Variants in ESRRG observed in about 807,000 individuals in gnomAD.
The protein encoded by ESRRG is estrogen related receptor gamma.
In ESRRG, 13 loss-of-function variants were observed where a neutral mutation model predicts 44.0. That is an observed-to-expected ratio of 0.30 (90% CI 0.19 to 0.47). The LOEUF (loss-of-function observed/expected upper bound fraction) is 0.47, where lower values mean the gene tolerates loss of function less well. ESRRG is among the 20% of genes least tolerant of loss of function. ESRRG has a pLI of 1.00. For synonymous variants in ESRRG, 215 were observed against 214.6 expected (o/e 1.00, Z -0.02); for missense variants, 395 against 580.6 (o/e 0.68, Z 3.29).
At chr1:216,963,816 C>A (rs554982482) in intron 1 of ESRRG, among the ~76,000 whole-genome samples, 4 of 152,178 alleles carry the variant, frequency 2.6e-5, no homozygotes, top group Admixed American at 2.6e-4. Context: ...ACAGTCTCTG[C>A]CTCAAAGTGT....
intron 1 of ESRRG, among the ~76,000 whole-genome samples, chr1:216,948,701 A>C (rs2066483321): frequency 6.6e-6 from 1 of 152,098 alleles, no homozygotes; most frequent in Non-Finnish European, 1.5e-5. Context: ...CTGAGGCTTA[A>C]TCACTTGTAT....
chr1:216,705,848 G>T (rs2082340663), intron 1 of ESRRG, among the ~76,000 whole-genome samples: 1 of 152,182 alleles, frequency 6.6e-6, no homozygotes, highest in African/African-American at 2.4e-5. Context: ...ATGGACTCAT[G>T]AATGCAGCAG....
At chr1:217,061,274 A>G (rs551148309) in intron 1 of ESRRG, among the ~76,000 whole-genome samples, 1 of 152,258 alleles carries the variant, frequency 6.6e-6, no homozygotes, top group South Asian at 2.1e-4. Context: ...TACCTTCCCA[A>G]TTCCTTTAGA....
At chr1:216,721,128 C>T (rs978541432) in intron 1 of ESRRG, among the ~76,000 whole-genome samples, 1 of 152,136 alleles carries the variant, frequency 6.6e-6, no homozygotes, top group Non-Finnish European at 1.5e-5. Flanking sequence ...GTATTATGTT[C>T]TTTAATGTGC....
At chr1:217,043,062 C>G (rs539371355) in intron 1 of ESRRG, among the ~76,000 whole-genome samples, 1 of 152,258 alleles carries the variant, frequency 6.6e-6, no homozygotes, top group Admixed American at 6.5e-5. Context: ...GCTTCCAGCT[C>G]CAGTGCAAAT....
At chr1:216,972,472 C>T (rs2071886379) in intron 1 of ESRRG, among the ~76,000 whole-genome samples, 1 of 152,118 alleles carries the variant, frequency 6.6e-6, no homozygotes, top group African/African-American at 2.4e-5. Flanking sequence ...TCACTGTAGG[C>T]CAGAACCTCC....
intron 2 of ESRRG, among the ~76,000 whole-genome samples, chr1:216,804,253 C>T (rs2094714629): frequency 6.6e-6 from 1 of 152,078 alleles, no homozygotes; most frequent in Non-Finnish European, 1.5e-5. Context: ...ATGGAAAAGC[C>T]TAACAACCCC....
At chr1:216,826,145 T>C (rs1354126432) in intron 2 of ESRRG, among the ~76,000 whole-genome samples, 11 of 145,932 alleles carry the variant, frequency 7.5e-5, no homozygotes, top group African/African-American at 2.8e-4. Flanking sequence ...GTTCTAATGA[T>C]AAAGTGCTCA....
intron 3 of ESRRG, among the ~76,000 whole-genome samples, chr1:216,570,669 C>T (rs966895154): frequency 6.6e-6 from 1 of 152,098 alleles, no homozygotes; most frequent in East Asian, 1.9e-4. Context: ...CCAATTCCAA[C>T]CCAATGAGAA....
intron 2 of ESRRG, among the ~76,000 whole-genome samples, chr1:216,748,930 T>C (rs963956050): frequency 6.6e-6 from 1 of 152,250 alleles, no homozygotes; most frequent in South Asian, 2.1e-4. Context: ...TTTGAGTCTA[T>C]GCTTATGGGG....
rs79041886 is a variant in ESRRG, at chr1:217,029,672, G to C, written c.-106+59835C>G. Among the ~76,000 whole-genome samples, 497 of 152,266 alleles carry C rather than the reference G, an allele frequency of 3.3e-3. 4 individuals carry two copies. Among genetic ancestry groups the C allele is most frequent in the African/African-American group, 0.012 (479 of 41,534 alleles). ...TCATTAAGAAAAAGGGTATAGTCTT[G>C]AGCCAGAATATTTATACACTTGACT... On this transcript the variant is annotated intron_variant, in intron 1 of 7. Transcript: ENST00000359162.
chr1:217,074,944 T>C (rs2091086789), intron 1 of ESRRG, among the ~76,000 whole-genome samples: 1 of 152,220 alleles, frequency 6.6e-6, no homozygotes, highest in Non-Finnish European at 1.5e-5. Context: ...TACTTGATGA[T>C]ATTTTTCCTC....
intron 2 of ESRRG, among the ~76,000 whole-genome samples, chr1:216,762,573 G>A (rs1357146512): frequency 2.3e-5 from 3 of 133,250 alleles, no homozygotes; most frequent in Non-Finnish European, 4.9e-5. Context: ...GGGGAGTGGG[G>A]AGGGATAGCA....
At chr1:217,115,033 C>T (rs530121986) in intron 1 of ESRRG, among the ~76,000 whole-genome samples, 5 of 152,128 alleles carry the variant, frequency 3.3e-5, no homozygotes, top group South Asian at 2.1e-4. Flanking sequence ...GGCGGCACTC[C>T]GTGCTGCTGA....
At chr1:216,709,246 C>A (rs56956026) in intron 1 of ESRRG, among the ~76,000 whole-genome samples, 2 of 151,420 alleles carry the variant, frequency 1.3e-5, no homozygotes, top group Non-Finnish European at 2.9e-5. Flanking sequence ...AATGACAATA[C>A]ATATACATGC....
chr1:216,563,729 A>G (rs150966211), intron 5 of ESRRG, among the ~76,000 whole-genome samples: 7 of 152,336 alleles, frequency 4.6e-5, no homozygotes, highest in African/African-American at 1.7e-4. Flanking sequence ...TATTTTCACA[A>G]TTTATCTGTA....
chr1:217,133,623 TTCTTTCTTTCTC>T (rs56731725), intron 1 of ESRRG, among the ~76,000 whole-genome samples: 13 of 33,724 alleles, frequency 3.9e-4, no homozygotes, highest in East Asian at 1.2e-3. Context: ...CTTTCTTTCT[TTCTTTCTTTCTC>T]TCTCTCTCTC....
intron 2 of ESRRG, among the ~76,000 whole-genome samples, chr1:216,834,160 G>A (rs1434067791): frequency 6.6e-6 from 1 of 152,170 alleles, no homozygotes; most frequent in Non-Finnish European, 1.5e-5. Flanking sequence ...CAGCACTCTG[G>A]AAGGCTGAGG....
intron 3 of ESRRG, among the ~76,000 whole-genome samples, chr1:216,623,170 C>A (rs957219254): frequency 7.1e-6 from 1 of 141,416 alleles, no homozygotes; most frequent in African/African-American, 2.6e-5. Context: ...GCAAGCTCTG[C>A]CTCCTGGGTT....
Sources: gnomAD v4.1 joint callset for allele counts (sites outside exome capture counted in the v4.1 genomes callset) on GRCh38, gnomAD v4.1.1 for gene constraint, MANE v1.5 for transcripts, NCBI Gene and HGNC (gene_info 2026-07-23, HGNC 2026-07-21) for gene names.